The following TNS1 variants were observed in gnomAD, a reference collection of about 807,000 sequenced individuals.
TNS1 encodes tensin 1.
Under a neutral mutation model 168.6 loss-of-function variants are expected in TNS1, and 62 were observed. The ratio of observed to expected loss-of-function variants is 0.37; its 90% CI spans 0.30 to 0.45. The LOEUF is 0.45. TNS1 is among the 20% of genes least tolerant of loss of function. The pLI, the probability that TNS1 is intolerant of heterozygous loss-of-function variation, is 1.00. For missense variants in TNS1, 2,240 were observed against 2,339.4 expected (o/e 0.96, Z 0.88); for synonymous variants, 934 against 933.2 (o/e 1.00, Z -0.02).
chr2:217,848,346 G>T lies in TNS1; in HGVS notation c.2171C>A (p.Ala724Asp), dbSNP rs1237115106. 6.5e-7 allele frequency: 1 copy of T among 1,540,074 alleles called. No homozygotes were observed. Among genetic ancestry groups the T allele is most frequent in the Admixed American group, 2.0e-5 (1 of 50,888 alleles). The change falls in exon 19 of 33, where the codon GCC (alanine) becomes GAC (aspartate). Residue 724 changes from alanine (A) to aspartate (D), a missense_variant. By Grantham distance (126) the Ala-to-Asp change is moderately radical. Coordinates refer to ENST00000682258, the MANE Select transcript of TNS1 (RefSeq NM_001387777.1). The part of the protein sequence containing the change: ...AGYQREGPHP[A>D]WPQPVTTSHY... ...GGAGGTGGTCACTGGCTGTGGCCAG[G>T]CTGGGTGGGGCCCCTCCCTCTGGTA...
chr2:217,835,817 A>G (rs1945086790), intron 20 of TNS1, among the ~76,000 whole-genome samples, 198 bp downstream of exon 20: 1 of 152,190 alleles, frequency 6.6e-6, no homozygotes, highest in African/African-American at 2.4e-5. Context: ...CTCAATATTA[A>G]TGCAAGAAGT....
chr2:217,834,533 C>T lies in TNS1; in HGVS notation c.3280+558G>A, dbSNP rs559150515. Among the ~76,000 whole-genome samples the T allele has an allele frequency of 1.6e-4, 25 of 152,286 alleles. No individual in the cohort carries two copies. In the South Asian group the frequency reaches 2.7e-3, roughly 16 times the overall value. On this transcript the variant is annotated intron_variant, in intron 21 of 32. Transcript: ENST00000682258. ...GGCCTTAGGTGGATGTGTCTCTGTC[C>T]TTTGGGGATCTGCCTCCCCAGTAAG...
intron 18 of TNS1, among the ~76,000 whole-genome samples, chr2:217,852,144 CA>C (rs1322759448): frequency 4.0e-5 from 6 of 151,184 alleles, no homozygotes; most frequent in Non-Finnish European, 7.4e-5. Flanking sequence ...GACTCCATCT[CA>C]AAAAAAAAGA....
In TNS1 at chr2:217,869,964, G is replaced by A. The variant is rs893168305; in HGVS notation, c.1429+10934C>T. Among the ~76,000 whole-genome samples, 7 of 151,924 alleles carry A rather than the reference G, an allele frequency of 4.6e-5. No individual in the cohort carries two copies. The South Asian group carries it at 6.3e-4, about 14-fold the overall frequency. ...TCACCTCCACCACCTCCAACATCCC[G>A]CTAAGGTCCCACCCACCCCACCGCA... On this transcript the variant is annotated intron_variant, in intron 18 of 32. Coordinates refer to ENST00000682258, the MANE Select transcript of TNS1 (RefSeq NM_001387777.1).
At chr2:217,845,943 C>G (rs930778748) in intron 19 of TNS1, among the ~76,000 whole-genome samples, 6 of 152,164 alleles carry the variant, frequency 3.9e-5, no homozygotes, top group African/African-American at 9.7e-5. Flanking sequence ...TCCAACCTTG[C>G]AAAATATTGG....
intron 1 of TNS1, among the ~76,000 whole-genome samples, chr2:218,031,020 GT>G (rs1241847903): frequency 6.7e-5 from 10 of 149,586 alleles, no homozygotes; most frequent in Non-Finnish European, 1.3e-4. Flanking sequence ...GAGTGTATGT[GT>G]GTATGTGTGT....
intron 22 of TNS1, among the ~76,000 whole-genome samples, chr2:217,828,078 T>C (rs1172251425): frequency 6.6e-6 from 1 of 152,156 alleles, no homozygotes; most frequent in Non-Finnish European, 1.5e-5. Context: ...TTCTAGACTC[T>C]CTCTCCCAGC....
In TNS1 at chr2:217,980,472, G is replaced by A. The variant is rs191222051; in HGVS notation, c.149-1670C>T. ...GTCCAACAGTGTGGGCTCCTTCCAG[G>A]GGGACCTGCCTCTCTCTCTCTCCTA... On this transcript the variant is annotated intron_variant, in intron 2 of 32. Transcript: ENST00000682258. 5.3e-5 allele frequency among the ~76,000 whole-genome samples: 8 copies of A among 150,604 alleles called. No homozygotes were observed. The East Asian group carries it at 1.6e-3, about 30-fold the overall frequency.
At chr2:217,963,996 A>G (rs1328313574) in intron 3 of TNS1, among the ~76,000 whole-genome samples, 10 of 152,236 alleles carry the variant, frequency 6.6e-5, no homozygotes, top group Admixed American at 6.5e-4. Context: ...TTTCCAGTCC[A>G]ACCTTCCTCC....
At chr2:217,933,036 G>A (rs1301294479) in intron 3 of TNS1, among the ~76,000 whole-genome samples, 4 of 152,212 alleles carry the variant, frequency 2.6e-5, no homozygotes, top group African/African-American at 9.7e-5. Context: ...ATCTGGGGCC[G>A]AGTGGCGGGA....
chr2:217,883,075 C>T (rs1325197369), intron 16 of TNS1, among the ~76,000 whole-genome samples: 3 of 152,086 alleles, frequency 2.0e-5, no homozygotes, highest in African/African-American at 7.2e-5. Flanking sequence ...GGTCTACAGG[C>T]GTGAGCCACC....
rs1234529063 is a variant in TNS1 at position 217,946,957 on chromosome 2, T to TCACACACACA, written c.187-26722_187-26721insTGTGTGTGTG. ...CCATCGCTCTCTCTCTCTCTCTCTCTCTCTCTCTCTCTCACACACACACAC... is the reference window on the plus strand; with the variant it reads ...CCATCGCTCTCTCTCTCTCTCTCTCTCACACACACACTCTCTCTCTCTCACACACACACAC... On this transcript the variant is annotated intron_variant, in intron 3 of 32. Coordinates refer to ENST00000682258, the MANE Select transcript of TNS1 (RefSeq NM_001387777.1). 6.0e-3 allele frequency among the ~76,000 whole-genome samples: 675 copies of TCACACACACA among 112,344 alleles called. 1 individual carries two copies. The highest frequency in any genetic ancestry group is 6.3e-3 in the Non-Finnish European group (372 of 59,190). 73.7% of individuals were successfully genotyped at this position (112,344 alleles called of 152,430 possible). A position where few individuals can be genotyped will look rare whatever the true frequency, so the allele number is the denominator to read the frequency against.
intron 2 of TNS1, among the ~76,000 whole-genome samples, chr2:217,987,756 G>C (rs1487650990): frequency 6.6e-6 from 1 of 152,202 alleles, no homozygotes; most frequent in African/African-American, 2.4e-5. Context: ...TGAAGGCTGG[G>C]AGCAGAGTAA....
intron 22 of TNS1, chr2:217,830,262 A>T: frequency 1.4e-6 from 2 of 1,442,248 alleles, no homozygotes; most frequent in Non-Finnish European, 1.9e-6. Context: ...CCTTCTACTG[A>T]TCCCCCGTGG....
intron 15 of TNS1, among the ~76,000 whole-genome samples, chr2:217,885,465 G>A (rs977132963): frequency 6.6e-6 from 1 of 152,240 alleles, no homozygotes; most frequent in African/African-American, 2.4e-5. Context: ...ACTGAAGCTA[G>A]AATTCAGAGA....
chr2:217,876,300 AAC>A (rs1433543659), intron 18 of TNS1, among the ~76,000 whole-genome samples: 1 of 152,162 alleles, frequency 6.6e-6, no homozygotes, highest in Non-Finnish European at 1.5e-5. Context: ...CAGAGGCAAA[AAC>A]ACAGCGCCAC....
chr2:217,844,728 A>C (rs780684892), intron 19 of TNS1, among the ~76,000 whole-genome samples: 2 of 152,192 alleles, frequency 1.3e-5, no homozygotes, highest in African/African-American at 2.4e-5. Context: ...TTAAAGTTCC[A>C]GTTCTTTTTT....
intron 3 of TNS1, among the ~76,000 whole-genome samples, chr2:217,952,465 G>C (rs545776523): frequency 6.6e-6 from 1 of 151,742 alleles, no homozygotes; most frequent in East Asian, 1.9e-4. Context: ...TGACTCTCCC[G>C]CGCCACACAC....
chr2:217,922,449 G>C (rs1955773324), intron 3 of TNS1, among the ~76,000 whole-genome samples: 1 of 152,070 alleles, frequency 6.6e-6, no homozygotes, highest in Admixed American at 6.5e-5. Flanking sequence ...GGCTGGGCAG[G>C]GACCGCGAGC....
Sources: allele counts gnomAD v4.1 joint callset (sites outside exome capture counted in the v4.1 genomes callset), GRCh38; gene constraint gnomAD v4.1.1; transcripts MANE v1.5; gene names NCBI Gene and HGNC (gene_info 2026-07-23, HGNC 2026-07-21).